ESRRG: variants seen among roughly 807,000 people sequenced by gnomAD.
ESRRG encodes the protein estrogen-related receptor gamma.
Under a neutral mutation model 44.0 loss-of-function variants are expected in ESRRG, and 13 were observed. The observed-to-expected ratio is 0.30, with a 90% CI of 0.19 to 0.47. The LOEUF is 0.47. Among genes scored for constraint, ESRRG ranks in the 20% least tolerant of loss-of-function variants. The pLI, the probability that ESRRG is intolerant of heterozygous loss-of-function variation, is 1.00. For missense variants in ESRRG, 395 were observed against 580.6 expected (o/e 0.68, Z 3.29); for synonymous variants, 215 against 214.6 (o/e 1.00, Z -0.02).
intron 1 of ESRRG, among the ~76,000 whole-genome samples, chr1:217,079,877 T>C (rs2091611280): frequency 6.6e-6 from 1 of 152,178 alleles, no homozygotes; most frequent in African/African-American, 2.4e-5. Flanking sequence ...TATTTCCTCC[T>C]TCCCTCCCAT....
chr1:216,819,247 G>A (rs1477357718), intron 2 of ESRRG, among the ~76,000 whole-genome samples: 1 of 152,162 alleles, frequency 6.6e-6, no homozygotes, highest in Non-Finnish European at 1.5e-5. Context: ...CAACTCGCCA[G>A]CATCTGTTGT....
At chr1:216,888,477 G>A (rs1274797336) in intron 2 of ESRRG, among the ~76,000 whole-genome samples, 1 of 152,082 alleles carries the variant, frequency 6.6e-6, no homozygotes, top group Non-Finnish European at 1.5e-5. Context: ...ATAATAACAA[G>A]CTTCAATAAA....
Position 216,886,713 on chromosome 1 carries a change from C to T in ESRRG, c.-14+52869G>A, listed in dbSNP as rs947847680. Among the ~76,000 whole-genome samples the T allele has an allele frequency of 2.6e-5, 4 of 151,966 alleles. No homozygotes were observed. The East Asian group carries it at 7.7e-4, about 29-fold the overall frequency. On this transcript the variant is annotated intron_variant, in intron 2 of 7. Coordinates refer to the ESRRG transcript ENST00000359162. ...GATCCACAAATATTTTATAACACTG[C>T]TTTCTTTCTTTCTATTTATTGATTG...
intron 1 of ESRRG, among the ~76,000 whole-genome samples, chr1:217,119,763 A>G (rs779153722): frequency 6.6e-6 from 1 of 152,220 alleles, no homozygotes; most frequent in Non-Finnish European, 1.5e-5. Flanking sequence ...TTAAGGTTTA[A>G]TTACATTTTG....
At chr1:216,761,787 A>C (rs2092790782) in intron 2 of ESRRG, among the ~76,000 whole-genome samples, 1 of 152,158 alleles carries the variant, frequency 6.6e-6, no homozygotes, top group South Asian at 2.1e-4. Flanking sequence ...CTCATTTACA[A>C]GTCCTTTCTT....
chr1:217,013,951 C>T (rs920814426), intron 1 of ESRRG, among the ~76,000 whole-genome samples: 5 of 152,028 alleles, frequency 3.3e-5, no homozygotes, highest in African/African-American at 9.7e-5. Flanking sequence ...AAGATATGAA[C>T]GGATTGCATT....
intron 2 of ESRRG, among the ~76,000 whole-genome samples, chr1:216,845,128 T>C (rs1324176322): frequency 6.6e-6 from 1 of 152,102 alleles, no homozygotes; most frequent in Non-Finnish European, 1.5e-5. Flanking sequence ...TGTACGTACA[T>C]ATGTTTGTAT....
chr1:216,569,980 C>T (rs1318009395), intron 3 of ESRRG, among the ~76,000 whole-genome samples: 2 of 152,052 alleles, frequency 1.3e-5, no homozygotes, highest in African/African-American at 4.8e-5. Flanking sequence ...TGTGGGTTAT[C>T]TGAGTTACAT....
rs192767708 is a variant in ESRRG, at chr1:216,624,738, T to C, written c.589+26235A>G. Among the ~76,000 whole-genome samples the C allele has an allele frequency of 1.4e-3, 214 of 152,244 alleles. 7 individuals are homozygous for C. In the East Asian group the frequency reaches 0.029, roughly 21 times the overall value. ...TTCAAGCTTCAAATTTTTAACTGCTTCTAAGTCATTTTGATTTGGACACCC... is the reference window on the plus strand; with the variant it reads ...TTCAAGCTTCAAATTTTTAACTGCTCCTAAGTCATTTTGATTTGGACACCC... On this transcript the variant is annotated intron_variant, in intron 3 of 6. Coordinates refer to ENST00000408911, the MANE Select transcript of ESRRG (RefSeq NM_001438.4).
intron 2 of ESRRG, among the ~76,000 whole-genome samples, chr1:216,939,067 T>C (rs186679592): frequency 6.6e-6 from 1 of 152,076 alleles, no homozygotes; most frequent in Non-Finnish European, 1.5e-5. Flanking sequence ...ATCTAATGGA[T>C]ACCATGAACT....
chr1:217,085,795 G>T (rs12026830), intron 1 of ESRRG, among the ~76,000 whole-genome samples: 1 of 152,014 alleles, frequency 6.6e-6, no homozygotes, highest in South Asian at 2.1e-4. Context: ...GCCCAGCCGA[G>T]AAAGATCTTT....
intron 3 of ESRRG, among the ~76,000 whole-genome samples, chr1:216,636,322 A>G (rs752741747): frequency 2.6e-5 from 4 of 152,240 alleles, no homozygotes; most frequent in African/African-American, 7.2e-5. Flanking sequence ...ATTAATGACC[A>G]TAATTTTTTC....
chr1:216,768,792 C>T (rs2093238743), intron 2 of ESRRG, among the ~76,000 whole-genome samples: 1 of 152,060 alleles, frequency 6.6e-6, no homozygotes, highest in African/African-American at 2.4e-5. Flanking sequence ...TGCCCAGCCT[C>T]TGTGAGGTAA....
At chr1:216,768,769 G>A (rs2093237297) in intron 2 of ESRRG, among the ~76,000 whole-genome samples, 1 of 152,028 alleles carries the variant, frequency 6.6e-6, no homozygotes, top group African/African-American at 2.4e-5. Flanking sequence ...GGGATTACAG[G>A]GGTAAGCCAC....
At chr1:216,907,918 T>A (rs2059866374) in intron 2 of ESRRG, among the ~76,000 whole-genome samples, 1 of 152,142 alleles carries the variant, frequency 6.6e-6, no homozygotes, top group Non-Finnish European at 1.5e-5. Context: ...TTAAAACATA[T>A]TCCACAGGGA....
At chr1:216,622,133 A>C (rs1379469475) in intron 3 of ESRRG, among the ~76,000 whole-genome samples, 1 of 152,226 alleles carries the variant, frequency 6.6e-6, no homozygotes, top group Non-Finnish European at 1.5e-5. Flanking sequence ...TGCCTTTTAC[A>C]AAAACTTGAC....
chr1:216,885,319 T>C (rs890097080), intron 2 of ESRRG, among the ~76,000 whole-genome samples: 1 of 152,180 alleles, frequency 6.6e-6, no homozygotes, highest in Non-Finnish European at 1.5e-5. Flanking sequence ...AGGATATATG[T>C]TCACTCTACA....
chr1:216,920,721 A>G (rs774132300), intron 2 of ESRRG, among the ~76,000 whole-genome samples: 7 of 152,168 alleles, frequency 4.6e-5, no homozygotes, highest in Non-Finnish European at 7.4e-5. Context: ...TGCCTTTTCT[A>G]GCTACAGAAT....
chr1:216,739,471 G>C (rs1050425899), intron 2 of ESRRG, among the ~76,000 whole-genome samples: 8 of 152,148 alleles, frequency 5.3e-5, no homozygotes, highest in Non-Finnish European at 8.8e-5. Flanking sequence ...TTAACTGATA[G>C]GTGCTCTAAA....
Sources: allele counts gnomAD v4.1 joint callset (sites outside exome capture counted in the v4.1 genomes callset), GRCh38; gene constraint gnomAD v4.1.1; transcripts MANE v1.5; gene names NCBI Gene and HGNC (gene_info 2026-07-23, HGNC 2026-07-21).